SAGE1: variants seen among roughly 807,000 people sequenced by gnomAD.
SAGE1 encodes the protein cancer/testis antigen 14.
A neutral mutation model predicts 55.4 loss-of-function variants in SAGE1; 55 were observed. That is an observed-to-expected ratio of 0.99 (90% confidence interval 0.80 to 1.24). The LOEUF (loss-of-function observed/expected upper bound fraction) is 1.24, where lower values mean the gene tolerates loss of function less well. Ranked by LOEUF, SAGE1 falls within the 50% of genes most tolerant of loss-of-function variation. SAGE1 has a pLI of 0.00. For synonymous variants in SAGE1, 240 were observed against 244.3 expected (o/e 0.98, Z 0.17); for missense variants, 710 against 704.4 (o/e 1.01, Z -0.09).
chrX:135,897,223 T>A (rs1189670033), intron 2 of SAGE1, among the ~76,000 whole-genome samples: 1 of 112,312 alleles, frequency 8.9e-6, no homozygotes, highest in African/African-American at 3.2e-5. Flanking sequence ...GTGAGTTTTG[T>A]GTTGTGTATG....
intron 13 of SAGE1, 53 bp from the exon 14 acceptor site, chrX:135,909,586 G>A (rs2088857410): frequency 9.1e-7 from 1 of 1,094,132 alleles, no homozygotes; most frequent in African/African-American, 1.8e-5. Flanking sequence ...TATACCTGTG[G>A]TATTGACATA....
In SAGE1 at chrX:135,911,766, A is replaced by G; in HGVS notation, c.2334A>G (p.Lys778=). ...TSLSKDELLY[K]PDSNEFAVGT... is the part of the protein sequence containing the mutation. ...TCAGCAAAGATGAGCTGCTTTACAAACCTGATAGTAATGAATTTGCGGTAG... is the reference window on the plus strand; with the variant it reads ...TCAGCAAAGATGAGCTGCTTTACAAGCCTGATAGTAATGAATTTGCGGTAG... The change falls in exon 18 of 20, where the codon AAA becomes AAG. Residue 778 remains lysine, a synonymous_variant. Coordinates refer to ENST00000370709, the MANE Select transcript of SAGE1 (RefSeq NM_001381902.1). The G allele has an allele frequency of 8.3e-7, 1 of 1,211,204 alleles. No individual in the cohort carries two copies. The highest frequency in any genetic ancestry group is 1.1e-6 in the Non-Finnish European group (1 of 895,144).
intron 2 of SAGE1, among the ~76,000 whole-genome samples, chrX:135,900,963 G>A (rs1369086753): frequency 8.2e-5 from 9 of 109,239 alleles, no homozygotes; most frequent in African/African-American, 3.0e-4. Flanking sequence ...TGGCTAACAC[G>A]GTGAAACCCC....
chrX:135,906,040 C>A lies in SAGE1; in HGVS notation c.471C>A (p.His157Gln). 1 of 1,207,294 alleles carries A rather than the reference C, an allele frequency of 8.3e-7. No individual in the cohort carries two copies. The highest frequency in any genetic ancestry group is 1.1e-6 in the Non-Finnish European group (1 of 892,849). Residue 157 changes from histidine to glutamine, a missense_variant, in exon 6 of 20, where the codon CAC becomes CAA. By Grantham distance (24) the His-to-Gln change is conservative (BLOSUM62 0). Coordinates refer to ENST00000370709, the MANE Select transcript of SAGE1 (RefSeq NM_001381902.1). ...GGTTTCCAGATTCTACCGTCACTCA[C>A]AATATCCGTGAAGAGAGAATGGAAA... is the stretch of plus-strand genomic sequence containing the variant. ...STRDLHSTVT[H>Q]NIREERMENG...
intron 14 of SAGE1, 48 bp downstream of exon 14, chrX:135,909,827 A>G (rs374467844): frequency 2.2e-4 from 245 of 1,090,853 alleles, no homozygotes; most frequent in Non-Finnish European, 2.9e-4. Context: ...TTTCATATGC[A>G]TGCCTAGTGT....
At chrX:135,906,596 G>T (rs2088795414) in intron 7 of SAGE1, 45 bp downstream of exon 7, 5 of 666,598 alleles carry the variant, frequency 7.5e-6, no homozygotes, top group Non-Finnish European at 1.2e-5. Context: ...GTTTCCATAT[G>T]CATGCATAGT....
intron 2 of SAGE1, among the ~76,000 whole-genome samples, 194 bp downstream of exon 2, chrX:135,896,523 ATTTAT>A (rs782590619): frequency 1.3e-3 from 134 of 103,858 alleles, no homozygotes; most frequent in South Asian, 1.7e-3. Flanking sequence ...CTAGGAACTG[ATTTAT>A]TTTATTTTAT....
rs1556606383 is a variant in SAGE1 at position 135,911,327 on chromosome X, A to T, written c.2141A>T (p.Asp714Val). ...GGTATTTCATGCAGAAGTACCAGGG[A>T]TCTGTGTATGTTTGTGTATTGGTTG... ...GAGISCRSTR[D>V]LYATVIHDIQ... Residue 714 changes from aspartate to valine, a missense_variant, in exon 17 of 20, where the codon GAT becomes GTT. Physicochemically the swap from Asp to Val is radical, Grantham distance 152. Coordinates refer to ENST00000370709, the MANE Select transcript of SAGE1 (RefSeq NM_001381902.1). 2 of 1,207,989 alleles carry T rather than the reference A, an allele frequency of 1.7e-6. No homozygotes were observed. Among genetic ancestry groups the T allele is most frequent in the East Asian group, 3.0e-5 (1 of 33,755 alleles).
Position 135,911,078 on chromosome X carries a change from A to T in SAGE1, c.2006-114A>T, listed in dbSNP as rs1442928661. 5.9e-6 allele frequency: 5 copies of T among 841,198 alleles called. No homozygotes were observed. The African/African-American group carries it at 8.3e-5, about 14-fold the overall frequency. 69.3% of individuals were successfully genotyped at this position (841,198 alleles called of 1,213,427 possible). ...TCAGGGTCTCTGATTGCCACCTGGT[A>T]TATCCTCCTGCTGTATGGGATAACG... On this transcript the variant is annotated intron_variant, in intron 16 of 19. Coordinates refer to ENST00000370709, the MANE Select transcript of SAGE1 (RefSeq NM_001381902.1).
At chrX:135,902,794 A>C (rs1412498959) in intron 3 of SAGE1, among the ~76,000 whole-genome samples, 1 of 111,978 alleles carries the variant, frequency 8.9e-6, no homozygotes, top group Non-Finnish European at 1.9e-5. Context: ...CAAGTCCAGC[A>C]GTAGATGCCC....
At chrX:135,912,491 G>T (rs1257348925) in intron 19 of SAGE1, 77 bp downstream of exon 19, 2 of 1,183,573 alleles carry the variant, frequency 1.7e-6, no homozygotes, top group African/African-American at 3.6e-5. Context: ...AAAAATCATG[G>T]TTTGTTCCTC....
Position 135,908,485 on chromosome X carries a change from G to A in SAGE1, c.1309G>A (p.Val437Ile), listed in dbSNP as rs782285077. ...PMSTRDQYAT[V>I]NHHVHEARME... is the part of the protein sequence containing the mutation. ...CTTTATTTGGTTTCTAGATGCTACCGTCAATCACCATGTCCATGAAGCAAG... is the reference window on the plus strand; with the variant it reads ...CTTTATTTGGTTTCTAGATGCTACCATCAATCACCATGTCCATGAAGCAAG... Residue 437 changes from valine (V) to isoleucine (I), a missense_variant, in exon 12 of 20, where the codon GTC becomes ATC. Coordinates refer to ENST00000370709, the MANE Select transcript of SAGE1 (RefSeq NM_001381902.1). 12 of 1,200,699 alleles carry A rather than the reference G, an allele frequency of 1.0e-5. No individual in the cohort carries two copies. The highest frequency in any genetic ancestry group is 5.5e-5 in the South Asian group (3 of 54,178).
rs368244777 is a variant in SAGE1, at chrX:135,906,184, G to T, written c.595+20G>T. 3.6e-6 allele frequency: 4 copies of T among 1,113,767 alleles called. No homozygotes were observed. The highest frequency in any genetic ancestry group is 4.8e-6 in the Non-Finnish European group (4 of 832,327). 91.8% of individuals were successfully genotyped at this position (1,113,767 alleles called of 1,213,427 possible). ...ATCTCTGTATGTCCACTTATAAATTGTGCTGTCTTACTTGGTTTTCATATG... is the reference window on the plus strand; with the variant it reads ...ATCTCTGTATGTCCACTTATAAATTTTGCTGTCTTACTTGGTTTTCATATG... On this transcript the variant is annotated intron_variant, in intron 6 of 19. Coordinates refer to ENST00000370709, the MANE Select transcript of SAGE1 (RefSeq NM_001381902.1).
chrX:135,907,294 C>T lies in SAGE1; in HGVS notation c.878-19C>T, dbSNP rs782465986. The T allele has an allele frequency of 2.2e-5, 26 of 1,198,430 alleles. No homozygotes were observed. Among genetic ancestry groups the T allele is most frequent in the Middle Eastern group, 2.3e-4 (1 of 4,325 alleles). ...ATAATGCACTTACTCACAGCTCAAC[C>T]TCTTCATTTGTTTTCCAGATTCCAC... is the stretch of plus-strand genomic sequence containing the variant. On this transcript the variant is annotated intron_variant, in intron 8 of 19. Transcript: ENST00000370709.
At chrX:135,902,999 C>A (rs1256398735) in intron 3 of SAGE1, among the ~76,000 whole-genome samples, 9 of 111,590 alleles carry the variant, frequency 8.1e-5, no homozygotes, top group African/African-American at 2.9e-4. Flanking sequence ...TCCTGAAAAC[C>A]CATCCTCATC....
intron 3 of SAGE1, 152 bp from the exon 4 acceptor site, chrX:135,904,325 C>A (rs1442577171): frequency 4.3e-6 from 2 of 467,706 alleles, no homozygotes; most frequent in Non-Finnish European, 7.6e-6. Flanking sequence ...ATTATCTTTT[C>A]TGGCCTCAAT....
chrX:135,912,823 C>G lies in SAGE1; in HGVS notation c.2641C>G (p.Gln881Glu), dbSNP rs2088921494. 8.3e-7 allele frequency: 1 copy of G among 1,207,994 alleles called. No individual in the cohort carries two copies. The highest frequency in any genetic ancestry group is 1.8e-5 in the African/African-American group (1 of 57,077). ...ARFKKVVLIQ[Q>E]LEKALKEIDS... ...GTTTAAAAAAGTTGTCTTAATTCAGCAACTCGAGAAGGCGCTTAAAGAAAT... is the reference window on the plus strand; with the variant it reads ...GTTTAAAAAAGTTGTCTTAATTCAGGAACTCGAGAAGGCGCTTAAAGAAAT... The change falls in exon 20 of 20, where the codon CAA (glutamine) becomes GAA (glutamate). Residue 881 changes from glutamine (Q) to glutamate (E), a missense_variant. By Grantham distance (29) the Gln-to-Glu change is conservative. Coordinates refer to ENST00000370709, the MANE Select transcript of SAGE1 (RefSeq NM_001381902.1).
intron 5 of SAGE1, 22 bp downstream of exon 5, chrX:135,905,414 A>G (rs2088769547): frequency 8.6e-7 from 1 of 1,164,085 alleles, no homozygotes. Context: ...AATTAGTTGT[A>G]CTGTCATACT....
chrX:135,896,403 A>G (rs1556593905), intron 2 of SAGE1, 74 bp downstream of exon 2: 14 of 672,126 alleles, frequency 2.1e-5, no homozygotes, highest in Non-Finnish European at 3.1e-5. Flanking sequence ...GGAAAGATGA[A>G]TATAAACTAT....
Sources: allele counts gnomAD v4.1 joint callset (sites outside exome capture counted in the v4.1 genomes callset), GRCh38; gene constraint gnomAD v4.1.1; transcripts MANE v1.5; gene names NCBI Gene and HGNC (gene_info 2026-07-23, HGNC 2026-07-21).